The following GJC1 variants were observed in gnomAD, a reference collection of about 807,000 sequenced individuals.
The protein encoded by GJC1 is gap junction protein gamma 1, also known as gap junction gamma-1 protein.
A neutral mutation model predicts 29.3 loss-of-function variants in GJC1; 5 were observed. That is an observed-to-expected ratio of 0.17 (90% CI 0.09 to 0.36). GJC1 has a LOEUF of 0.36. Ranked by LOEUF, GJC1 falls within the 10% of genes least tolerant of loss-of-function variation. The pLI, the probability that GJC1 is intolerant of heterozygous loss-of-function variation, is 1.00. For missense variants in GJC1, 310 were observed against 496.2 expected, an observed-to-expected ratio of 0.62 and a Z score of 3.56; for synonymous variants, 177 against 183.3, an observed-to-expected ratio of 0.97 and a Z score of 0.28.
At chr17:44,811,388 C>CTTTT (rs573359174) in intron 1 of GJC1, among the ~76,000 whole-genome samples, 1 of 128,066 alleles carries the variant, frequency 7.8e-6, no homozygotes, top group Non-Finnish European at 1.7e-5. Context: ...GGCCTTTTTT[C>CTTTT]TTTTTTTTTT....
At chr17:44,794,508 CAGAAG>C (rs2049772801), downstream of GJC1, 2 of 152,202 alleles carry the variant, frequency 1.3e-5, no homozygotes, top group Non-Finnish European at 2.9e-5. Context: ...GCCTGCTGGG[CAGAAG>C]CCACAGCTGC....
rs115154140 is a variant in GJC1 at position 44,808,199 on chromosome 17, G to C, written c.-96-730C>G. On this transcript the variant is annotated intron_variant, in intron 1 of 2. Transcript: ENST00000592524. The stretch of plus-strand genomic sequence containing the variant: ...TGTTTATAGTAACTTAATTAAAAGG[G>C]TGCTTTGTGTTGTTGTTTAAAGATA... Among the ~76,000 whole-genome samples, 897 of 151,764 alleles carry C rather than the reference G, an allele frequency of 5.9e-3. 10 individuals are homozygous for C. The highest frequency in any genetic ancestry group is 0.021 in the African/African-American group (856 of 41,312).
chr17:44,825,215 A>AAAAAAAAC (rs2050160414), intron 1 of GJC1, among the ~76,000 whole-genome samples: 1 of 149,124 alleles, frequency 6.7e-6, no homozygotes, highest in Non-Finnish European at 1.5e-5. Flanking sequence ...AAAAAAAAAA[A>AAAAAAAAC]AAGGCTGGGC....
At chr17:44,816,533 G>A (rs574976024) in intron 1 of GJC1, among the ~76,000 whole-genome samples, 2 of 152,024 alleles carry the variant, frequency 1.3e-5, no homozygotes, top group Non-Finnish European at 2.9e-5. Flanking sequence ...ACAGAGTGTC[G>A]CTCTGTCGCC....
intron 1 of GJC1, among the ~76,000 whole-genome samples, chr17:44,826,082 A>G (rs2050172684): frequency 6.6e-6 from 1 of 151,984 alleles, no homozygotes; most frequent in Non-Finnish European, 1.5e-5. Flanking sequence ...CACCACGCCC[A>G]GGTAATTTTT....
At position 44,804,550 on chromosome 17, in the gene GJC1, A is replaced by C; in HGVS notation, c.*77T>G. Reference sequence around the variant, plus strand: ...TGAAGATAACCAGAGCCAAATGTTTACTCAATGGAAGTCATTATTCAGTGA... The same window carrying C: ...TGAAGATAACCAGAGCCAAATGTTTCCTCAATGGAAGTCATTATTCAGTGA... On this transcript the variant is annotated 3_prime_UTR_variant, in exon 3 of 3. Transcript: ENST00000592524. 1 of 1,120,956 alleles carries C rather than the reference A, an allele frequency of 8.9e-7. No individual in the cohort carries two copies. Among genetic ancestry groups the C allele is most frequent in the Non-Finnish European group, 1.3e-6 (1 of 766,164 alleles). 69.4% of individuals were successfully genotyped at this position (1,120,956 alleles called of 1,614,324 possible). A position where few individuals can be genotyped will look rare whatever the true frequency, so the allele number is the denominator to read the frequency against.
chr17:44,814,820 G>A (rs890178627), intron 1 of GJC1, among the ~76,000 whole-genome samples: 7 of 152,092 alleles, frequency 4.6e-5, no homozygotes, highest in Admixed American at 4.6e-4. Context: ...GCATGCGCCT[G>A]TAATCCCAGC....
intron 1 of GJC1, among the ~76,000 whole-genome samples, chr17:44,822,643 CAAAAAAAAAAAA>C (rs11423012): frequency 2.5e-5 from 2 of 80,268 alleles, no homozygotes; most frequent in Admixed American, 1.7e-4. Context: ...AACTCCATCT[CAAAAAAAAAAAA>C]AAAAAAAAAG....
chr17:44,809,356 A>G (rs1194825327), intron 1 of GJC1, among the ~76,000 whole-genome samples: 1 of 152,218 alleles, frequency 6.6e-6, no homozygotes, highest in South Asian at 2.1e-4. Context: ...TAAAACCTCA[A>G]AACAAGAAGT....
intron 1 of GJC1, among the ~76,000 whole-genome samples, chr17:44,817,600 C>G (rs2050058367): frequency 1.3e-5 from 2 of 151,952 alleles, no homozygotes; most frequent in South Asian, 4.2e-4. Context: ...ATCCTAGTTA[C>G]TCAGGAGGCT....
rs377281380 is a variant in GJC1 at position 44,805,629 on chromosome 17, G to A, written c.189C>T (p.Val63=). The change falls in exon 3 of 3, where the codon GTC becomes GTT. Residue 63 remains valine (V), a synonymous_variant. Coordinates refer to ENST00000592524, the MANE Select transcript of GJC1 (RefSeq NM_005497.4). The surrounding 1 kb of genome is among the most constrained non-coding windows in gnomAD (Gnocchi z 5.1). ...AGAGAGGTGCAAACGCATCATAACAGACATTCTCACAGCCCGGCTGTTCTG... is the reference window on the plus strand; with the variant it reads ...AGAGAGGTGCAAACGCATCATAACAAACATTCTCACAGCCCGGCTGTTCTG... ...CNTEQPGCEN[V]CYDAFAPLSH... is the part of the protein sequence containing the mutation. 5.0e-6 allele frequency: 8 copies of A among 1,614,096 alleles called. No homozygotes were observed. Among genetic ancestry groups the A allele is most frequent in the Non-Finnish European group, 5.1e-6 (6 of 1,180,044 alleles).
At chr17:44,821,490 G>A (rs1567714078) in intron 1 of GJC1, among the ~76,000 whole-genome samples, 1 of 151,882 alleles carries the variant, frequency 6.6e-6, no homozygotes, top group South Asian at 2.1e-4. Flanking sequence ...CTGAGGTCAG[G>A]AGTTCGAGAC....
intron 1 of GJC1, among the ~76,000 whole-genome samples, chr17:44,829,156 G>T (rs2050204079): frequency 6.6e-6 from 1 of 151,626 alleles, no homozygotes; most frequent in Non-Finnish European, 1.5e-5. Flanking sequence ...CGGTATCACT[G>T]CCAGTTCTCA....
chr17:44,802,518 CTG>C lies in GJC1; in HGVS notation c.*2107_*2108del, dbSNP rs1324710406. On this transcript the variant is annotated 3_prime_UTR_variant, in exon 3 of 3. Transcript: ENST00000592524. ...TATTAAACATTTGATTTGAAGGAAA[CTG>C]TGCATGTCTATTAATTACCCATGAG... 3 of 152,218 alleles carry C rather than the reference CTG, an allele frequency of 2.0e-5. No homozygotes were observed. The East Asian group carries it at 5.8e-4, about 29-fold the overall frequency. 9.4% of individuals were successfully genotyped at this position (152,218 alleles called of 1,614,324 possible). A position where few individuals can be genotyped will look rare whatever the true frequency, so the allele number is the denominator to read the frequency against.
intron 1 of GJC1, among the ~76,000 whole-genome samples, chr17:44,817,961 C>T (rs568773755): frequency 1.3e-3 from 193 of 152,206 alleles, no homozygotes; most frequent in African/African-American, 4.2e-3. Flanking sequence ...GCCTGTAATC[C>T]CAGCACTTTG....
At chr17:44,817,415 A>G (rs1430948557) in intron 1 of GJC1, among the ~76,000 whole-genome samples, 2 of 151,698 alleles carry the variant, frequency 1.3e-5, no homozygotes, top group East Asian at 2.0e-4. Context: ...CAGAACTGCA[A>G]AAGAAAAGCA....
chr17:44,830,752 A>G (rs139893860), upstream of GJC1: 465 of 398,496 alleles, frequency 1.2e-3, 1 homozygote, highest in African/African-American at 8.2e-3. This position sits in a 1 kb window ranked among gnomAD's most constrained non-coding sequence, Gnocchi z 4.3. Flanking sequence ...CTGCTCTACA[A>G]TTCCTCGAGG....
chr17:44,814,938 T>C (rs1393251119), intron 1 of GJC1, among the ~76,000 whole-genome samples: 5 of 150,544 alleles, frequency 3.3e-5, no homozygotes, highest in Non-Finnish European at 7.4e-5. Flanking sequence ...CAAGACTCAG[T>C]CTTAGGAAAA....
At position 44,804,316 on chromosome 17, in the gene GJC1, C is replaced by A; in HGVS notation, c.*311G>T. ...TTCTCATACTAAAAAAAAAAAAGTACCATAATACTGTACATACAAAAACTG... is the reference window on the plus strand; with the variant it reads ...TTCTCATACTAAAAAAAAAAAAGTAACATAATACTGTACATACAAAAACTG... On this transcript the variant is annotated 3_prime_UTR_variant, in exon 3 of 3. Coordinates refer to ENST00000592524, the MANE Select transcript of GJC1 (RefSeq NM_005497.4). The A allele has an allele frequency of 1.2e-5, 3 of 252,098 alleles. No homozygotes were observed. Among genetic ancestry groups the A allele is most frequent in the South Asian group, 1.2e-4 (1 of 8,530 alleles). 15.6% of individuals were successfully genotyped at this position (252,098 alleles called of 1,614,324 possible).
Sources: gnomAD v4.1 joint callset for allele counts (sites outside exome capture counted in the v4.1 genomes callset) on GRCh38, gnomAD v4.1.1 for gene constraint, Gnocchi (gnomAD v3.1) non-coding constraint, MANE v1.5 for transcripts, NCBI Gene and HGNC (gene_info 2026-07-23, HGNC 2026-07-21) for gene names.